MEIS2: variants seen among roughly 807,000 people sequenced by gnomAD.
MEIS2 encodes Meis homeobox 2.
A neutral mutation model predicts 58.6 loss-of-function variants in MEIS2; 9 were observed. That is an observed-to-expected ratio of 0.15 (90% CI 0.09 to 0.27). The LOEUF (loss-of-function observed/expected upper bound fraction) is 0.27, where lower values mean the gene tolerates loss of function less well. Ranked by LOEUF, MEIS2 falls within the 10% of genes least tolerant of loss-of-function variation. The pLI is 1.00. For missense variants in MEIS2, 427 were observed against 635.0 expected (o/e 0.67, Z 3.52); for synonymous variants, 221 against 228.4 (o/e 0.97, Z 0.29).
At position 37,045,971 on chromosome 15, in the gene MEIS2, C is replaced by T. The variant is rs149945613; in HGVS notation, c.755-9012G>A. ...TCCCTGGTCCTGAACACCCTCCCCCCGGGGTATGAGCAGAAAGGGAAAAAA... is the reference window on the plus strand; with the variant it reads ...TCCCTGGTCCTGAACACCCTCCCCCTGGGGTATGAGCAGAAAGGGAAAAAA... On this transcript the variant is annotated intron_variant, in intron 7 of 11. Transcript: ENST00000561208. Among the ~76,000 whole-genome samples the T allele has an allele frequency of 5.3e-5, 8 of 152,300 alleles. No individual in the cohort carries two copies. The East Asian group carries it at 5.8e-4, about 11-fold the overall frequency.
At chr15:37,023,907 CTCTCTTTTTTTTTT>C in intron 8 of MEIS2, among the ~76,000 whole-genome samples, 1 of 115,960 alleles carries the variant, frequency 8.6e-6, no homozygotes, top group Admixed American at 1.2e-4. Context: ...CTCCTTTTCT[CTCTCTTTTTTTTTT>C]TTTTTTTTTT....
intron 1 of MEIS2, chr15:37,098,763 A>T: frequency 4.7e-6 from 2 of 424,576 alleles, no homozygotes; most frequent in Non-Finnish European, 6.3e-6. Flanking sequence ...ATAAATCAAA[A>T]GGCGAAATGA....
At chr15:36,991,257 T>C (rs554360431) in intron 8 of MEIS2, among the ~76,000 whole-genome samples, 12 of 5,322 alleles carry the variant, frequency 2.3e-3, no homozygotes, top group African/African-American at 4.8e-3. Context: ...TTTTCTCTCT[T>C]TTTTTTTTTT....
chr15:36,932,491 A>G (rs2058018677), intron 9 of MEIS2, among the ~76,000 whole-genome samples: 1 of 152,180 alleles, frequency 6.6e-6, no homozygotes, highest in Admixed American at 6.5e-5. Context: ...AAAATGAGGA[A>G]TAGTGATTAT....
intron 8 of MEIS2, among the ~76,000 whole-genome samples, chr15:37,021,421 C>T (rs56237377): frequency 2.0e-5 from 3 of 152,216 alleles, no homozygotes; most frequent in Non-Finnish European, 4.4e-5. Context: ...GAAAGTTCTC[C>T]ATCCCATGGC....
At chr15:36,920,083 T>C (rs1267945356) in intron 9 of MEIS2, among the ~76,000 whole-genome samples, 1 of 152,094 alleles carries the variant, frequency 6.6e-6, no homozygotes, top group Non-Finnish European at 1.5e-5. Context: ...AGGCTGGAGA[T>C]TAAAGTCCCA....
intron 8 of MEIS2, among the ~76,000 whole-genome samples, chr15:36,970,298 G>A (rs2059498883): frequency 6.6e-6 from 1 of 151,806 alleles, no homozygotes; most frequent in Admixed American, 6.6e-5. Flanking sequence ...CAGCTACTCG[G>A]GAGGCTGAGG....
chr15:36,961,360 A>G (rs547023916), intron 8 of MEIS2, among the ~76,000 whole-genome samples: 1 of 152,208 alleles, frequency 6.6e-6, no homozygotes, highest in East Asian at 1.9e-4. Flanking sequence ...ATAAATATAC[A>G]TATCTTCATG....
At chr15:37,071,761 T>C (rs575367039) in intron 7 of MEIS2, among the ~76,000 whole-genome samples, 112 of 152,162 alleles carry the variant, frequency 7.4e-4, no homozygotes, top group African/African-American at 2.4e-3. Context: ...TAAAGGCACG[T>C]AGGCCAACAC....
chr15:36,922,696 C>T (rs2057569481), intron 9 of MEIS2, among the ~76,000 whole-genome samples: 1 of 149,730 alleles, frequency 6.7e-6, no homozygotes, highest in Non-Finnish European at 1.5e-5. Context: ...TTTCAGCACA[C>T]TGCAACCTCC....
chr15:37,059,209 T>C (rs538932758), intron 7 of MEIS2, among the ~76,000 whole-genome samples: 1 of 152,342 alleles, frequency 6.6e-6, no homozygotes, highest in South Asian at 2.1e-4. Flanking sequence ...AATTTCCTGC[T>C]GCCCAGATGA....
chr15:37,001,126 G>C (rs1473804038), intron 8 of MEIS2, among the ~76,000 whole-genome samples: 1 of 152,138 alleles, frequency 6.6e-6, no homozygotes, highest in Non-Finnish European at 1.5e-5. Context: ...GCCAATCACA[G>C]GGCTATACTG....
chr15:36,892,238 G>A lies in MEIS2; in HGVS notation c.1369C>T (p.Pro457Ser). 6.2e-7 allele frequency: 1 copy of A among 1,614,144 alleles called. No homozygotes were observed. Among genetic ancestry groups the A allele is most frequent in the Non-Finnish European group, 8.5e-7 (1 of 1,180,038 alleles). Reference sequence around the variant, plus strand: ...GGATCTACAGAATTTAACATTGTGGGGCTCTGTGCTGACATAGTCATTCCA... The same window carrying A: ...GGATCTACAGAATTTAACATTGTGGAGCTCTGTGCTGACATAGTCATTCCA... ...HPGMTMSAQS[P>S]TMLNSVDPNV... The change falls in exon 12 of 12, where the codon CCC becomes TCC. Residue 457 changes from proline (P) to serine (S), a missense_variant. Transcript: ENST00000561208.
intron 2 of MEIS2, chr15:37,097,275 A>T (rs1894384381): frequency 1.3e-5 from 2 of 152,112 alleles, no homozygotes; most frequent in Admixed American, 1.3e-4. Flanking sequence ...ACCTACCCTC[A>T]GCCGGAAGAG....
At chr15:37,074,145 A>T (rs1363905494) in intron 7 of MEIS2, among the ~76,000 whole-genome samples, 1 of 151,992 alleles carries the variant, frequency 6.6e-6, no homozygotes, top group Non-Finnish European at 1.5e-5. Context: ...TAATTAGATA[A>T]TGGAGGATGG....
intron 11 of MEIS2, chr15:36,894,893 C>A: frequency 8.3e-7 from 1 of 1,197,652 alleles, no homozygotes; most frequent in Non-Finnish European, 1.2e-6. Flanking sequence ...AACTCAGATT[C>A]CTTTTCACTT....
intron 9 of MEIS2, among the ~76,000 whole-genome samples, chr15:36,938,136 A>C (rs944630011): frequency 5.3e-5 from 8 of 152,130 alleles, no homozygotes; most frequent in African/African-American, 1.9e-4. Flanking sequence ...CCTCTAAATC[A>C]AAGTGTGGCT....
chr15:37,085,939 C>T (rs1892826316), intron 6 of MEIS2, among the ~76,000 whole-genome samples: 1 of 151,496 alleles, frequency 6.6e-6, no homozygotes, highest in African/African-American at 2.4e-5. Flanking sequence ...AGAAGAATTA[C>T]ATGGAAAAAA....
At chr15:36,974,632 G>C (rs1262731420) in intron 8 of MEIS2, among the ~76,000 whole-genome samples, 2 of 152,150 alleles carry the variant, frequency 1.3e-5, no homozygotes, top group Admixed American at 6.6e-5. Context: ...TAAGTCTGTG[G>C]CTTTGACTTA....
Sources: allele counts gnomAD v4.1 joint callset (sites outside exome capture counted in the v4.1 genomes callset), GRCh38; gene constraint gnomAD v4.1.1; transcripts MANE v1.5; gene names NCBI Gene and HGNC (gene_info 2026-07-23, HGNC 2026-07-21).